INO80D: variants seen among roughly 807,000 people sequenced by gnomAD.
INO80D encodes INO80 complex subunit D.
INO80D carries 21 observed loss-of-function variants against 87.6 expected under a neutral mutation model. That is an observed-to-expected ratio of 0.24 (90% CI 0.17 to 0.35). The LOEUF is 0.35. INO80D is among the 10% of genes least tolerant of loss of function. The pLI, the probability that INO80D is intolerant of heterozygous loss-of-function variation, is 1.00. For synonymous variants in INO80D, 440 were observed against 491.0 expected, an observed-to-expected ratio of 0.90 and a Z score of 1.37; for missense variants, 982 against 1,280.7, an observed-to-expected ratio of 0.77 and a Z score of 3.56.
intron 6 of INO80D, among the ~76,000 whole-genome samples, chr2:206,023,450 G>A (rs1230301104): frequency 2.0e-4 from 31 of 151,932 alleles, no homozygotes; most frequent in Admixed American, 6.6e-5. Context: ...TTGGGAGGCC[G>A]GGGGAGGCAG....
chr2:206,074,388 C>T (rs931664619), intron 1 of INO80D, among the ~76,000 whole-genome samples: 14 of 152,068 alleles, frequency 9.2e-5, no homozygotes, highest in East Asian at 7.8e-4. Flanking sequence ...CCAAGACAGG[C>T]GGATCACCTG....
At chr2:206,041,680 A>C (rs1293869829) in intron 5 of INO80D, among the ~76,000 whole-genome samples, 1 of 152,246 alleles carries the variant, frequency 6.6e-6, no homozygotes. Flanking sequence ...GACATGAACA[A>C]CACTATTAAC....
In INO80D at chr2:206,005,097, A is replaced by G; in HGVS notation, c.2355T>C (p.His785=). The part of the protein sequence containing the change: ...LGERAFPGQF[H]GLHDGSHASQ... ...AGGCATGGCTGCCGTCATGAAGTCC[A>G]TGAAACTGTCCTGGGAAGGCTCTCT... Residue 785 remains histidine, a synonymous_variant, in exon 11 of 11, where the codon CAT becomes CAC. Coordinates refer to ENST00000403263, the MANE Select transcript of INO80D (RefSeq NM_017759.5). 1.9e-6 allele frequency: 3 copies of G among 1,613,922 alleles called. No individual in the cohort carries two copies. Among genetic ancestry groups the G allele is most frequent in the Non-Finnish European group, 2.5e-6 (3 of 1,179,872 alleles).
At chr2:206,075,727 C>T (rs1199128549) in intron 1 of INO80D, among the ~76,000 whole-genome samples, 1 of 151,398 alleles carries the variant, frequency 6.6e-6, no homozygotes, top group South Asian at 2.1e-4. Context: ...AATGAGCCAC[C>T]GTGCCCAGTT....
chr2:206,024,883 G>A (rs917375774), intron 6 of INO80D, among the ~76,000 whole-genome samples: 1 of 152,002 alleles, frequency 6.6e-6, no homozygotes, highest in African/African-American at 2.4e-5. Flanking sequence ...AGCCTCCCGA[G>A]TAGCTGGGAC....
intron 6 of INO80D, among the ~76,000 whole-genome samples, chr2:206,021,606 A>G (rs1464954811): frequency 6.6e-6 from 1 of 152,098 alleles, no homozygotes; most frequent in Non-Finnish European, 1.5e-5. Context: ...CTCCATATTA[A>G]AGGGATACTT....
At chr2:206,077,209 G>C (rs905880760) in intron 1 of INO80D, among the ~76,000 whole-genome samples, 1 of 151,994 alleles carries the variant, frequency 6.6e-6, no homozygotes, top group South Asian at 2.1e-4. Context: ...CCCGGGAGTC[G>C]GGCGCCTGCA....
chr2:206,024,586 G>C (rs1460236987), intron 6 of INO80D, among the ~76,000 whole-genome samples: 1 of 152,022 alleles, frequency 6.6e-6, no homozygotes, highest in Non-Finnish European at 1.5e-5. Flanking sequence ...AACTCTTAAG[G>C]GCACAGTGCA....
At chr2:206,058,338 G>A (rs890235858) in intron 3 of INO80D, among the ~76,000 whole-genome samples, 15 of 147,926 alleles carry the variant, frequency 1.0e-4, no homozygotes, top group Non-Finnish European at 1.9e-4. Flanking sequence ...AGAATGGCGC[G>A]AACCCCGGAG....
chr2:206,078,458 A>T (rs1690183735), intron 1 of INO80D, among the ~76,000 whole-genome samples: 1 of 152,204 alleles, frequency 6.6e-6, no homozygotes, highest in Non-Finnish European at 1.5e-5. Flanking sequence ...ATTTCCCCAC[A>T]AAATACCTTA....
intron 8 of INO80D, among the ~76,000 whole-genome samples, chr2:206,013,322 G>A (rs1272747567): frequency 6.6e-6 from 1 of 152,066 alleles, no homozygotes; most frequent in African/African-American, 2.4e-5. Flanking sequence ...GGGAGGCCAA[G>A]GTGGGCGGAT....
intron 8 of INO80D, among the ~76,000 whole-genome samples, chr2:206,016,922 A>T (rs537214929): frequency 6.6e-6 from 1 of 152,182 alleles, no homozygotes; most frequent in Non-Finnish European, 1.5e-5. Context: ...TGTGAGTCCA[A>T]TTAAACCTCT....
chr2:206,017,849 A>C, intron 7 of INO80D, 36 bp from the exon 8 acceptor site: 1 of 1,565,032 alleles, frequency 6.4e-7, no homozygotes, highest in Non-Finnish European at 8.6e-7. Context: ...AATACACTGA[A>C]ACTCTAATTT....
chr2:206,001,468 T>C lies in INO80D; in HGVS notation c.*2900A>G, dbSNP rs1406340494. ...GAATAAAAGCTAGTTTCTACCTATT[T>C]AGGACCTTATATAAGATTTGTTTTT... On this transcript the variant is annotated 3_prime_UTR_variant, in exon 11 of 11. Coordinates refer to ENST00000403263, the MANE Select transcript of INO80D (RefSeq NM_017759.5). The C allele has an allele frequency of 6.6e-6, 1 of 152,228 alleles. No homozygotes were observed. Among genetic ancestry groups the C allele is most frequent in the Non-Finnish European group, 1.5e-5 (1 of 68,040 alleles). The allele number at this position is 152,228 out of a possible 1,614,324, so 9.4% of individuals were successfully genotyped here.
chr2:206,044,763 A>G (rs555158924), intron 5 of INO80D, among the ~76,000 whole-genome samples: 56 of 152,350 alleles, frequency 3.7e-4, no homozygotes, highest in African/African-American at 1.3e-3. Flanking sequence ...TAAATTAAGA[A>G]TGATAACTAC....
chr2:205,995,156 G>A lies in INO80D; in HGVS notation c.*9212C>T, dbSNP rs907372747. On this transcript the variant is annotated 3_prime_UTR_variant, in exon 11 of 11. Transcript: ENST00000403263. ...AGATGGTGGCTGACATACACTAACG[G>A]AAATATTAGGATTGCTTTATAAGTG... The A allele has an allele frequency of 1.3e-5, 2 of 152,130 alleles. No homozygotes were observed. Among genetic ancestry groups the A allele is most frequent in the African/African-American group, 2.4e-5 (1 of 41,424 alleles). 9.4% of individuals were successfully genotyped at this position (152,130 alleles called of 1,614,324 possible).
At chr2:206,025,542 A>AAAAAAATAT (rs71301548) in intron 6 of INO80D, 6 of 76,936 alleles carry the variant, frequency 7.8e-5, no homozygotes, top group Non-Finnish European at 7.7e-5. Context: ...AAAAAAAAAA[A>AAAAAAATAT]ATATATATAT....
At chr2:206,066,078 G>A (rs1195193844) in intron 1 of INO80D, among the ~76,000 whole-genome samples, 4 of 152,038 alleles carry the variant, frequency 2.6e-5, no homozygotes, top group African/African-American at 7.2e-5. Flanking sequence ...TGGTCAACAT[G>A]GCAAAATCCT....
At chr2:206,042,659 C>A (rs946820837) in intron 5 of INO80D, among the ~76,000 whole-genome samples, 1 of 142,514 alleles carries the variant, frequency 7.0e-6, no homozygotes, top group Non-Finnish European at 1.5e-5. Flanking sequence ...CCAGCTTGTA[C>A]GACAGAGCGA....
Sources: allele counts gnomAD v4.1 joint callset (sites outside exome capture counted in the v4.1 genomes callset), GRCh38; gene constraint gnomAD v4.1.1; transcripts MANE v1.5; gene names NCBI Gene and HGNC (gene_info 2026-07-23, HGNC 2026-07-21).